The following CDC42SE2 variants were observed in gnomAD, a reference collection of about 807,000 sequenced individuals.
CDC42SE2 encodes the protein CDC42 small effector protein 2.
In CDC42SE2, 3 loss-of-function variants were observed where a neutral mutation model predicts 11.5. The ratio of observed to expected loss-of-function variants is 0.26; its 90% confidence interval spans 0.12 to 0.67. The LOEUF (loss-of-function observed/expected upper bound fraction) is 0.67, where lower values mean the gene tolerates loss of function less well. Ranked by LOEUF, CDC42SE2 falls within the 30% of genes least tolerant of loss-of-function variation. The pLI is 0.80. For missense variants in CDC42SE2, 82 were observed against 106.8 expected (o/e 0.77, Z 1.02); for synonymous variants, 33 against 34.8 (o/e 0.95, Z 0.18).
At chr5:131,317,690 T>C (rs1758069993) in intron 2 of CDC42SE2, among the ~76,000 whole-genome samples, 1 of 152,098 alleles carries the variant, frequency 6.6e-6, no homozygotes, top group Non-Finnish European at 1.5e-5. Context: ...AATCTTGTTA[T>C]TATAATCTTG....
intron 3 of CDC42SE2, among the ~76,000 whole-genome samples, chr5:131,377,805 T>TA (rs1452002234): frequency 6.6e-6 from 1 of 152,282 alleles, no homozygotes; most frequent in East Asian, 1.9e-4. Context: ...AAGTATTTTT[T>TA]ATGCAGAAAT....
At chr5:131,290,523 C>T (rs1184237168) in intron 1 of CDC42SE2, among the ~76,000 whole-genome samples, 3 of 140,208 alleles carry the variant, frequency 2.1e-5, no homozygotes, top group Non-Finnish European at 4.5e-5. Flanking sequence ...GGCTCTGTCG[C>T]CCAGGCTGGA....
At chr5:131,305,292 T>G (rs111751453) in intron 1 of CDC42SE2, among the ~76,000 whole-genome samples, 2 of 152,200 alleles carry the variant, frequency 1.3e-5, no homozygotes, top group African/African-American at 4.8e-5. Context: ...AGAAAAACTT[T>G]AGACAATGTA....
At chr5:131,340,256 A>G (rs1205404863) in intron 2 of CDC42SE2, among the ~76,000 whole-genome samples, 1 of 152,230 alleles carries the variant, frequency 6.6e-6, no homozygotes, top group East Asian at 1.9e-4. Flanking sequence ...AATAATTCAT[A>G]ACTCTTAAAT....
intron 1 of CDC42SE2, among the ~76,000 whole-genome samples, chr5:131,297,490 C>T (rs1034310529): frequency 1.3e-4 from 19 of 151,952 alleles, no homozygotes; most frequent in African/African-American, 2.2e-4. Flanking sequence ...GAGGCCGAGG[C>T]GGGTGGATCA....
At chr5:131,358,961 A>C (rs1246583728) in intron 2 of CDC42SE2, among the ~76,000 whole-genome samples, 1 of 152,232 alleles carries the variant, frequency 6.6e-6, no homozygotes, top group African/African-American at 2.4e-5. Context: ...AAAATAATCC[A>C]TACTTTTATA....
intron 1 of CDC42SE2, among the ~76,000 whole-genome samples, chr5:131,314,491 C>T (rs1015094114): frequency 6.6e-6 from 1 of 152,114 alleles, no homozygotes; most frequent in African/African-American, 2.4e-5. Flanking sequence ...TCATCCCACC[C>T]TGGCCTCCCA....
chr5:131,353,928 T>C (rs1749454809), intron 2 of CDC42SE2, among the ~76,000 whole-genome samples: 1 of 150,962 alleles, frequency 6.6e-6, no homozygotes, highest in Non-Finnish European at 1.5e-5. Flanking sequence ...AAAAAAATTA[T>C]CGTTTAAAAA....
intron 2 of CDC42SE2, among the ~76,000 whole-genome samples, chr5:131,351,143 T>C (rs549361160): frequency 2.0e-5 from 3 of 152,116 alleles, no homozygotes; most frequent in African/African-American, 7.2e-5. Context: ...GACGGGACTT[T>C]GCTGCCCAGT....
intron 3 of CDC42SE2, among the ~76,000 whole-genome samples, chr5:131,382,035 A>T (rs1489681606): frequency 1.3e-5 from 2 of 152,188 alleles, no homozygotes; most frequent in Admixed American, 6.5e-5. Context: ...TATCTCACAA[A>T]CTGTTAGATT....
intron 1 of CDC42SE2, among the ~76,000 whole-genome samples, chr5:131,311,089 C>T (rs977942064): frequency 1.3e-5 from 2 of 151,878 alleles, no homozygotes; most frequent in Non-Finnish European, 2.9e-5. Context: ...CCAGTTTTTC[C>T]TTTCCATGTT....
intron 1 of CDC42SE2, among the ~76,000 whole-genome samples, chr5:131,250,661 A>C (rs2149683051): frequency 6.6e-6 from 1 of 152,306 alleles, no homozygotes; most frequent in Middle Eastern, 3.4e-3. Flanking sequence ...GGATGATACT[A>C]TGTCATTACA....
chr5:131,356,138 G>A (rs1049066554), intron 2 of CDC42SE2, among the ~76,000 whole-genome samples: 3 of 152,146 alleles, frequency 2.0e-5, no homozygotes, highest in African/African-American at 7.2e-5. Context: ...CTCTTGTGCT[G>A]TAGACCAGTC....
chr5:131,215,180 GAA>G, the CDC42SE2 span, among the ~76,000 whole-genome samples: 1 of 152,184 alleles, frequency 6.6e-6, no homozygotes, highest in Non-Finnish European at 1.5e-5. Context: ...GAAGGAGACT[GAA>G]TTCTAGTCAC....
intron 2 of CDC42SE2, among the ~76,000 whole-genome samples, chr5:131,317,709 T>G (rs955768914): frequency 6.6e-6 from 1 of 152,132 alleles, no homozygotes; most frequent in Non-Finnish European, 1.5e-5. Context: ...TGAAAAAGTA[T>G]GGAATGAGAA....
chr5:131,243,307 C>T (rs761157710), upstream of CDC42SE2, among the ~76,000 whole-genome samples: 16 of 152,152 alleles, frequency 1.1e-4, no homozygotes, highest in Middle Eastern at 0.02. Context: ...TGGCCGGGCG[C>T]GGTGGCTCAC....
chr5:131,264,525 A>G (rs1481246718), intron 1 of CDC42SE2, among the ~76,000 whole-genome samples: 1 of 128,018 alleles, frequency 7.8e-6, no homozygotes, highest in Non-Finnish European at 1.7e-5. Flanking sequence ...CACGTCTGGA[A>G]GTCGGGAGGG....
the CDC42SE2 span, among the ~76,000 whole-genome samples, chr5:131,233,712 A>T: frequency 6.6e-6 from 1 of 152,214 alleles, no homozygotes; most frequent in Non-Finnish European, 1.5e-5. Flanking sequence ...CTCATTCTGC[A>T]CACTATATGT....
At chr5:131,347,227 A>G (rs1758869631) in intron 2 of CDC42SE2, among the ~76,000 whole-genome samples, 2 of 152,212 alleles carry the variant, frequency 1.3e-5, no homozygotes. Context: ...TTTTGAAAAG[A>G]TCAACAAAAT....
Sources: gnomAD v4.1 joint callset for allele counts (sites outside exome capture counted in the v4.1 genomes callset) on GRCh38, gnomAD v4.1.1 for gene constraint, MANE v1.5 for transcripts, NCBI Gene and HGNC (gene_info 2026-07-23, HGNC 2026-07-21) for gene names.